The following SGCZ variants were observed in gnomAD, a reference collection of about 807,000 sequenced individuals.
SGCZ encodes the protein sarcoglycan zeta.
In SGCZ, 40 loss-of-function variants were observed where a neutral mutation model predicts 41.3. That is an observed-to-expected ratio of 0.97 (90% CI 0.75 to 1.26). The LOEUF is 1.26. SGCZ is among the 50% of genes most tolerant of loss of function. The pLI is 0.00. For synonymous variants in SGCZ, 206 were observed against 137.5 expected (o/e 1.50, Z -3.49); for missense variants, 552 against 369.8 (o/e 1.49, Z -4.04).
intron 1 of SGCZ, among the ~76,000 whole-genome samples, chr8:14,829,413 T>C (rs1802448598): frequency 6.6e-6 from 1 of 152,244 alleles, no homozygotes; most frequent in Non-Finnish European, 1.5e-5. Context: ...TGTTGAAATA[T>C]AAAGTGTATA....
At chr8:14,133,775 G>C (rs755904350) in intron 5 of SGCZ, among the ~76,000 whole-genome samples, 2 of 151,912 alleles carry the variant, frequency 1.3e-5, no homozygotes, top group Non-Finnish European at 2.9e-5. Context: ...TTCTTTAGGA[G>C]GATGAAAGCT....
At chr8:14,820,545 C>T (rs1386353867) in intron 1 of SGCZ, among the ~76,000 whole-genome samples, 1 of 152,026 alleles carries the variant, frequency 6.6e-6, no homozygotes, top group African/African-American at 2.4e-5. Context: ...AGCACACATT[C>T]TTCTCAACTG....
chr8:14,898,352 G>C (rs1216230967), intron 1 of SGCZ, among the ~76,000 whole-genome samples: 1 of 152,176 alleles, frequency 6.6e-6, no homozygotes, highest in East Asian at 1.9e-4. Context: ...CCAGGGTGCA[G>C]CGATGTGAGA....
chr8:14,688,254 C>T (rs1413301327), intron 1 of SGCZ, among the ~76,000 whole-genome samples: 1 of 152,146 alleles, frequency 6.6e-6, no homozygotes, highest in African/African-American at 2.4e-5. Flanking sequence ...GTGTTTTAGA[C>T]ATGAAGTCCT....
intron 1 of SGCZ, among the ~76,000 whole-genome samples, chr8:14,618,917 C>A (rs1200840186): frequency 2.6e-5 from 4 of 152,078 alleles, no homozygotes; most frequent in African/African-American, 9.7e-5. Flanking sequence ...GGTGGAAAAG[C>A]AGTTGAGCTG....
chr8:14,128,811 G>T (rs1215906737), intron 5 of SGCZ, among the ~76,000 whole-genome samples: 3 of 152,066 alleles, frequency 2.0e-5, no homozygotes, highest in African/African-American at 7.2e-5. Flanking sequence ...GGAACTGAAG[G>T]TGATCATCAT....
chr8:14,927,102 C>CTTTTTTTT (rs71209091), intron 1 of SGCZ, among the ~76,000 whole-genome samples: 3 of 82,684 alleles, frequency 3.6e-5, no homozygotes, highest in East Asian at 3.4e-4. Flanking sequence ...GTTCCTGATT[C>CTTTTTTTT]TTTTTTTTTT....
intron 1 of SGCZ, among the ~76,000 whole-genome samples, chr8:14,689,430 G>C (rs2117565457): frequency 6.6e-6 from 1 of 152,250 alleles, no homozygotes; most frequent in Middle Eastern, 3.4e-3. Context: ...AAGTAGGACT[G>C]TGAGAGATTA....
chr8:14,890,659 A>G (rs577808188), intron 1 of SGCZ, among the ~76,000 whole-genome samples: 1 of 152,224 alleles, frequency 6.6e-6, no homozygotes, highest in African/African-American at 2.4e-5. Context: ...TAGTGAGGAT[A>G]ATTGATGAAA....
At chr8:14,991,571 G>A (rs1431406706) in intron 1 of SGCZ, among the ~76,000 whole-genome samples, 2 of 152,010 alleles carry the variant, frequency 1.3e-5, no homozygotes, top group African/African-American at 4.8e-5. Flanking sequence ...AAGCACTTAT[G>A]CCCAGTATGT....
intron 3 of SGCZ, among the ~76,000 whole-genome samples, chr8:14,268,749 T>G (rs536285549): frequency 6.6e-6 from 1 of 151,982 alleles, no homozygotes; most frequent in South Asian, 2.1e-4. Context: ...ATATGTACAT[T>G]TGCATTCATT....
At chr8:15,191,992 A>C (rs895370086) in intron 1 of SGCZ, among the ~76,000 whole-genome samples, 3 of 152,076 alleles carry the variant, frequency 2.0e-5, no homozygotes, top group African/African-American at 7.3e-5. Flanking sequence ...AATTGCATAA[A>C]AGTAGTACCT....
At chr8:15,165,815 C>G (rs140809382) in intron 1 of SGCZ, among the ~76,000 whole-genome samples, 80 of 152,266 alleles carry the variant, frequency 5.3e-4, no homozygotes, top group African/African-American at 1.9e-3. Flanking sequence ...ATTAATCTTG[C>G]AGAAGAGCTT....
intron 1 of SGCZ, among the ~76,000 whole-genome samples, chr8:14,794,963 A>T (rs2255923): frequency 0.36 from 54,283 of 152,038 alleles, 11,490 homozygotes; most frequent in East Asian, 0.49. Context: ...TAAGGAGCAC[A>T]ATAACATCAC....
intron 1 of SGCZ, among the ~76,000 whole-genome samples, chr8:14,839,500 T>C (rs11997069): frequency 0.36 from 54,816 of 151,984 alleles, 10,112 homozygotes; most frequent in East Asian, 0.51. Context: ...AGAGTTATTA[T>C]TGTTTTTATG....
At chr8:15,119,065 C>G (rs1454582) in intron 1 of SGCZ, among the ~76,000 whole-genome samples, 25,508 of 152,028 alleles carry the variant, frequency 0.17, 2,408 homozygotes, top group Non-Finnish European at 0.22. Flanking sequence ...CAATTTGATA[C>G]TTTTTTCAGA....
At chr8:14,303,761 A>G (rs914909583) in intron 3 of SGCZ, among the ~76,000 whole-genome samples, 1 of 152,062 alleles carries the variant, frequency 6.6e-6, no homozygotes, top group African/African-American at 2.4e-5. Context: ...ATATCTATCT[A>G]CATACATATG....
chr8:14,536,141 G>T (rs1226922829), intron 2 of SGCZ, among the ~76,000 whole-genome samples: 2 of 151,762 alleles, frequency 1.3e-5, no homozygotes, highest in Non-Finnish European at 2.9e-5. Flanking sequence ...ATATACATAT[G>T]AAAAGTATTT....
chr8:15,020,551 C>T (rs929342033), intron 1 of SGCZ, among the ~76,000 whole-genome samples: 6 of 152,096 alleles, frequency 3.9e-5, no homozygotes, highest in African/African-American at 1.4e-4. Flanking sequence ...GTCAGCTCGC[C>T]ACCAGAAAAT....
Sources: allele counts gnomAD v4.1 joint callset (sites outside exome capture counted in the v4.1 genomes callset), GRCh38; gene constraint gnomAD v4.1.1; transcripts MANE v1.5; gene names NCBI Gene and HGNC (gene_info 2026-07-23, HGNC 2026-07-21).